Variants in PCDH17 observed in about 807,000 individuals in gnomAD.
PCDH17 encodes protocadherin 17.
A neutral mutation model predicts 67.7 loss-of-function variants in PCDH17; 21 were observed. The observed-to-expected ratio is 0.31, with a 90% confidence interval of 0.22 to 0.45. The LOEUF (loss-of-function observed/expected upper bound fraction) is 0.45. PCDH17 is among the 20% of genes least tolerant of loss of function. PCDH17 has a pLI of 1.00. For synonymous variants in PCDH17, 701 were observed against 656.7 expected (o/e 1.07, Z -1.03); for missense variants, 1,471 against 1,564.8 (o/e 0.94, Z 1.01).
At chr13:57,719,456 A>C (rs1955854911) in intron 3 of PCDH17, among the ~76,000 whole-genome samples, 1 of 152,036 alleles carries the variant, frequency 6.6e-6, no homozygotes, top group Non-Finnish European at 1.5e-5. Context: ...ATTATAGAAA[A>C]GAAAATCAGA....
At chr13:57,681,332 T>C (rs1170845662) in intron 3 of PCDH17, among the ~76,000 whole-genome samples, 2 of 151,870 alleles carry the variant, frequency 1.3e-5, no homozygotes, top group Non-Finnish European at 2.9e-5. Context: ...AGTTGAACCT[T>C]ATTCTTTATA....
intron 3 of PCDH17, among the ~76,000 whole-genome samples, chr13:57,691,860 G>A (rs928735440): frequency 4.6e-5 from 7 of 151,054 alleles, no homozygotes; most frequent in African/African-American, 1.7e-4. Context: ...ACACATTATT[G>A]TTATGCTGAC....
intron 3 of PCDH17, among the ~76,000 whole-genome samples, chr13:57,681,838 A>T (rs1955453064): frequency 6.6e-6 from 1 of 151,742 alleles, no homozygotes; most frequent in African/African-American, 2.4e-5. Context: ...TTTATTTTTT[A>T]AATGTTGTAT....
At chr13:57,675,020 C>T (rs915008076) in intron 3 of PCDH17, among the ~76,000 whole-genome samples, 1 of 151,858 alleles carries the variant, frequency 6.6e-6, no homozygotes, top group African/African-American at 2.4e-5. Flanking sequence ...CCTACCAAGC[C>T]ATTCCCGTAA....
chr13:57,633,547 A>C lies in PCDH17; in HGVS notation c.1001A>C (p.His334Pro), dbSNP rs1335429977. ...CTGGGGCCTAACCCTATCCCAGCCC[A>C]CTGCAAAGTCACGGTCAAGCTCATC... Reference protein sequence around the residue: ...RDLGPNPIPAHCKVTVKLIDR... With the variant: ...RDLGPNPIPAPCKVTVKLIDR... Residue 334 changes from histidine to proline, a missense_variant, in exon 1 of 4, where the codon CAC becomes CCC. Around this residue, in one of 3 missense-constraint regions of PCDH17, gnomAD observed 1,163 missense variants for 1,230.0 expected, o/e 0.95. Coordinates refer to ENST00000377918, the MANE Select transcript of PCDH17 (RefSeq NM_001040429.3). This position sits in a 1 kb window ranked among gnomAD's most constrained non-coding sequence, Gnocchi z 6.2. 1 of 1,613,780 alleles carries C rather than the reference A, an allele frequency of 6.2e-7. No homozygotes were observed. The highest frequency in any genetic ancestry group is 8.5e-7 in the Non-Finnish European group (1 of 1,180,012).
intron 1 of PCDH17, among the ~76,000 whole-genome samples, chr13:57,639,163 G>A (rs1479389982): frequency 1.3e-5 from 2 of 151,784 alleles, no homozygotes; most frequent in Non-Finnish European, 2.9e-5. Context: ...GGATTGTTTA[G>A]TTCACTCATC....
intron 1 of PCDH17, among the ~76,000 whole-genome samples, chr13:57,660,811 T>C (rs2138015411): frequency 6.6e-6 from 1 of 152,360 alleles, no homozygotes; most frequent in South Asian, 2.1e-4. Flanking sequence ...TTGACTTTTT[T>C]CACTCAACAT....
At chr13:57,694,387 T>G (rs1463794408) in intron 3 of PCDH17, among the ~76,000 whole-genome samples, 1 of 151,220 alleles carries the variant, frequency 6.6e-6, no homozygotes, top group East Asian at 1.9e-4. Flanking sequence ...GCAATGAAGA[T>G]GAAAAGATTT....
intron 1 of PCDH17, among the ~76,000 whole-genome samples, chr13:57,641,609 T>A (rs1452221851): frequency 8.0e-6 from 1 of 124,770 alleles, no homozygotes; most frequent in Non-Finnish European, 1.7e-5. Flanking sequence ...TATATATATA[T>A]ATATATATAT....
In PCDH17 at chr13:57,678,598, A is replaced by C. The variant is rs997397191; in HGVS notation, c.2797+11765A>C. On this transcript the variant is annotated intron_variant, in intron 3 of 3. Coordinates refer to ENST00000377918, the MANE Select transcript of PCDH17 (RefSeq NM_001040429.3). ...AATCTTTTCTATAAAGTGCAGGGTA[A>C]AGTCCATTAATCTCTTATTTCACAT... Among the ~76,000 whole-genome samples the C allele has an allele frequency of 2.0e-5, 3 of 151,760 alleles. No individual in the cohort carries two copies. In the Admixed American group the frequency reaches 2.0e-4, roughly 10 times the overall value.
At chr13:57,701,972 C>G (rs957283062) in intron 3 of PCDH17, among the ~76,000 whole-genome samples, 3 of 151,918 alleles carry the variant, frequency 2.0e-5, no homozygotes, top group African/African-American at 7.3e-5. Context: ...GGCTGGAGTG[C>G]AGTGGCATGA....
chr13:57,633,986 G>A lies in PCDH17; in HGVS notation c.1440G>A (p.Gln480=), dbSNP rs760899233. ...PRFTKGLYVL[Q]VHENNIPGEY... is the part of the protein sequence containing the mutation. Reference sequence around the variant, plus strand: ...TCACCAAAGGGCTCTACGTGCTTCAGGTGCACGAGAACAACATCCCGGGAG... The same window carrying A: ...TCACCAAAGGGCTCTACGTGCTTCAAGTGCACGAGAACAACATCCCGGGAG... Residue 480 remains glutamine (Q), a synonymous_variant, in exon 1 of 4, where the codon CAG becomes CAA. Transcript: ENST00000377918. This position sits in a 1 kb window ranked among gnomAD's most constrained non-coding sequence, Gnocchi z 6.2. 2.5e-5 allele frequency: 40 copies of A among 1,613,618 alleles called. 3 individuals carry two copies. The South Asian group carries it at 4.3e-4, about 17-fold the overall frequency.
chr13:57,677,039 A>G (rs2138041095), intron 3 of PCDH17, among the ~76,000 whole-genome samples: 1 of 151,972 alleles, frequency 6.6e-6, no homozygotes, highest in African/African-American at 2.4e-5. Context: ...CACTATGCAT[A>G]TGGGACTGTC....
At chr13:57,688,444 C>T (rs952501323) in intron 3 of PCDH17, among the ~76,000 whole-genome samples, 2 of 151,908 alleles carry the variant, frequency 1.3e-5, no homozygotes, top group African/African-American at 4.8e-5. Flanking sequence ...CATAGTAATG[C>T]AATTTAAAAA....
intron 3 of PCDH17, among the ~76,000 whole-genome samples, chr13:57,673,140 G>A (rs9527682): frequency 6.6e-6 from 1 of 151,656 alleles, no homozygotes; most frequent in Non-Finnish European, 1.5e-5. Flanking sequence ...TCCAGGTGCC[G>A]GGGGTGATTA....
intron 1 of PCDH17, among the ~76,000 whole-genome samples, chr13:57,637,548 T>C (rs907289177): frequency 6.6e-6 from 1 of 151,924 alleles, no homozygotes; most frequent in Non-Finnish European, 1.5e-5. Context: ...TATTAGTGTA[T>C]ATATGTAATA....
chr13:57,656,841 A>G (rs2138008858), intron 1 of PCDH17, among the ~76,000 whole-genome samples: 1 of 152,280 alleles, frequency 6.6e-6, no homozygotes, highest in South Asian at 2.1e-4. Context: ...AGGATGTTGG[A>G]GTTAGCAGTC....
chr13:57,641,587 A>AAATAT (rs1954902994), intron 1 of PCDH17, among the ~76,000 whole-genome samples: 2 of 20,580 alleles, frequency 9.7e-5, no homozygotes, highest in Non-Finnish European at 1.9e-4. Flanking sequence ...AAAAAAAAAA[A>AAATAT]ATATATATAT....
chr13:57,718,249 ATGG>A (rs1955840143), intron 3 of PCDH17, among the ~76,000 whole-genome samples: 1 of 152,050 alleles, frequency 6.6e-6, no homozygotes. Context: ...CTTATTAAAA[ATGG>A]TGTTAAAATA....
Sources: allele counts gnomAD v4.1 joint callset (sites outside exome capture counted in the v4.1 genomes callset), GRCh38; gene constraint gnomAD v4.1.1; regional missense constraint gnomAD v4.1.1; non-coding constraint Gnocchi (gnomAD v3.1); transcripts MANE v1.5; gene names NCBI Gene and HGNC (gene_info 2026-07-23, HGNC 2026-07-21).